Variants in LAMA2 observed in about 807,000 individuals in gnomAD.
LAMA2 encodes the protein laminin subunit alpha-2.
A neutral mutation model predicts 364.8 loss-of-function variants in LAMA2; 269 were observed. The observed-to-expected ratio is 0.74, with a 90% CI of 0.67 to 0.82. The LOEUF is 0.82. Among genes scored for constraint, LAMA2 ranks in the 40% least tolerant of loss-of-function variants. The pLI is 0.00. For synonymous variants in LAMA2, 1,379 were observed against 1,370.6 expected, an observed-to-expected ratio of 1.01 and a Z score of -0.14; for missense variants, 3,807 against 3,873.2, an observed-to-expected ratio of 0.98 and a Z score of 0.45.
intron 4 of LAMA2, among the ~76,000 whole-genome samples, chr6:129,138,298 G>A (rs902742754): frequency 1.3e-5 from 2 of 152,030 alleles, no homozygotes; most frequent in Non-Finnish European, 2.9e-5. Flanking sequence ...ATATGCAAAT[G>A]AGCAGTATTA....
At chr6:129,120,886 C>A (rs1776767819) in intron 4 of LAMA2, among the ~76,000 whole-genome samples, 1 of 152,196 alleles carries the variant, frequency 6.6e-6, no homozygotes, top group Non-Finnish European at 1.5e-5. Flanking sequence ...CTAATGTCTT[C>A]TTCATACTAA....
intron 15 of LAMA2, among the ~76,000 whole-genome samples, chr6:129,266,498 A>G (rs940942394): frequency 5.9e-5 from 9 of 152,190 alleles, no homozygotes; most frequent in African/African-American, 1.9e-4. Context: ...TGTAAATTTG[A>G]GAAAGCATAA....
chr6:129,210,394 A>G (rs1033210789), intron 12 of LAMA2, among the ~76,000 whole-genome samples: 12 of 126,332 alleles, frequency 9.5e-5, no homozygotes, highest in Admixed American at 2.8e-4. Context: ...CGAACCACGC[A>G]TGTGCACGCA....
intron 1 of LAMA2, among the ~76,000 whole-genome samples, chr6:128,947,769 G>C: frequency 6.6e-6 from 1 of 152,150 alleles, no homozygotes; most frequent in East Asian, 1.9e-4. Context: ...GATAGAGATT[G>C]TGGGACATAG....
intron 3 of LAMA2, among the ~76,000 whole-genome samples, chr6:129,085,598 A>C (rs7774472): frequency 0.95 from 144,484 of 152,224 alleles, 68,635 homozygotes; most frequent in East Asian, 0.97. Flanking sequence ...TTTGGAAGGA[A>C]CATGAGCAGC....
intron 23 of LAMA2, among the ~76,000 whole-genome samples, chr6:129,313,354 T>C (rs1399689425): frequency 6.6e-6 from 1 of 152,190 alleles, no homozygotes; most frequent in Non-Finnish European, 1.5e-5. Context: ...TTTTCAATGG[T>C]ATAGTGATTT....
At chr6:128,989,065 G>A (rs1000707898) in intron 1 of LAMA2, among the ~76,000 whole-genome samples, 2 of 152,162 alleles carry the variant, frequency 1.3e-5, no homozygotes, top group Non-Finnish European at 2.9e-5. Context: ...TGTTATACAT[G>A]TTATAATTAT....
At position 129,300,766 on chromosome 6, in the gene LAMA2, G is replaced by T. The variant is rs1773498113; in HGVS notation, c.3068G>T (p.Cys1023Phe). 6.2e-7 allele frequency: 1 copy of T among 1,613,548 alleles called. No homozygotes were observed. The highest frequency in any genetic ancestry group is 8.5e-7 in the Non-Finnish European group (1 of 1,179,614). ...GAATGTTCTCATCTGGGTAATAATT[G>T]TGACCCAAAGACTGGGCGATGCATT... ...ACECSHLGNN[C>F]DPKTGRCICP... The change falls in exon 22 of 65, where the codon TGT (cysteine) becomes TTT (phenylalanine). Residue 1023 changes from cysteine (C) to phenylalanine (F), a missense_variant. Transcript: ENST00000421865.
At chr6:128,950,201 G>A (rs541742270) in intron 1 of LAMA2, among the ~76,000 whole-genome samples, 2 of 152,290 alleles carry the variant, frequency 1.3e-5, no homozygotes, top group African/African-American at 4.8e-5. Context: ...CATGATGTGA[G>A]CTTGTTCCAT....
chr6:129,344,498 G>C (rs1361888423), intron 30 of LAMA2, among the ~76,000 whole-genome samples: 2 of 152,186 alleles, frequency 1.3e-5, no homozygotes, highest in Non-Finnish European at 2.9e-5. Context: ...AATAGGTTCA[G>C]ATTGATAGAA....
At chr6:129,151,756 T>A (rs1778811370) in intron 7 of LAMA2, among the ~76,000 whole-genome samples, 2 of 152,116 alleles carry the variant, frequency 1.3e-5, no homozygotes, top group Admixed American at 1.3e-4. Context: ...CTCACTATCA[T>A]GAGGACAGCA....
At chr6:129,106,861 CA>C (rs373033392) in intron 4 of LAMA2, among the ~76,000 whole-genome samples, 3,960 of 132,214 alleles carry the variant, frequency 0.03, 190 homozygotes, top group African/African-American at 0.096. Context: ...CTTACTCCTC[CA>C]AAAAAAAAAA....
intron 10 of LAMA2, among the ~76,000 whole-genome samples, chr6:129,183,274 G>A (rs371030527): frequency 6.6e-6 from 1 of 151,804 alleles, no homozygotes; most frequent in Non-Finnish European, 1.5e-5. Flanking sequence ...TTGCAGTTTG[G>A]TGTCATATTA....
intron 37 of LAMA2, 25 bp downstream of exon 37, chr6:129,393,280 T>C (rs755617307): frequency 1.3e-6 from 2 of 1,565,890 alleles, no homozygotes; most frequent in Non-Finnish European, 1.8e-6. Context: ...CACTTTTATC[T>C]TAATCTCAGA....
At chr6:129,229,586 G>T (rs1784546848) in intron 12 of LAMA2, among the ~76,000 whole-genome samples, 1 of 152,190 alleles carries the variant, frequency 6.6e-6, no homozygotes, top group Non-Finnish European at 1.5e-5. Context: ...TACTTTGAGA[G>T]TTGGTTGAAT....
chr6:129,184,853 G>A (rs2115026268), intron 10 of LAMA2, among the ~76,000 whole-genome samples: 1 of 151,966 alleles, frequency 6.6e-6, no homozygotes, highest in Non-Finnish European at 1.5e-5. Context: ...AATATTAAAA[G>A]CTGAACTTGT....
chr6:129,055,393 C>T lies in LAMA2; in HGVS notation c.284-4391C>T, dbSNP rs924184539. The stretch of plus-strand genomic sequence containing the variant: ...ATTTTTAGTAGAGATGGAGTTTCAC[C>T]GTGTTGGCCAGGCTGGTCTTGAACT... On this transcript the variant is annotated intron_variant, in intron 2 of 64. Coordinates refer to ENST00000421865, the MANE Select transcript of LAMA2 (RefSeq NM_000426.4). Among the ~76,000 whole-genome samples the T allele has an allele frequency of 4.6e-5, 7 of 151,902 alleles. 1 individual carries two copies. The highest frequency in any genetic ancestry group is 3.4e-3 in the Middle Eastern group (1 of 294).
intron 16 of LAMA2, among the ~76,000 whole-genome samples, chr6:129,268,508 A>G (rs183679005): frequency 1.3e-5 from 2 of 152,234 alleles, no homozygotes; most frequent in Admixed American, 1.3e-4. Context: ...TCATGAATTC[A>G]TTAGGATAAA....
intron 1 of LAMA2, among the ~76,000 whole-genome samples, chr6:128,895,358 C>T (rs1012275249): frequency 6.7e-6 from 1 of 148,394 alleles, no homozygotes; most frequent in African/African-American, 2.5e-5. Context: ...CATGGCGGGG[C>T]GCGGTGGCTC....
Sources: gnomAD v4.1 joint callset for allele counts (sites outside exome capture counted in the v4.1 genomes callset) on GRCh38, gnomAD v4.1.1 for gene constraint, MANE v1.5 for transcripts, NCBI Gene and HGNC (gene_info 2026-07-23, HGNC 2026-07-21) for gene names.